Variants in RYR2 observed in about 807,000 individuals in gnomAD.
The protein encoded by RYR2 is ryanodine receptor 2, also known as cardiac muscle ryanodine receptor-calcium release channel.
In RYR2, 227 loss-of-function variants were observed where a neutral mutation model predicts 601.1. The ratio of observed to expected loss-of-function variants is 0.38; its 90% CI spans 0.34 to 0.42. The LOEUF is 0.42. RYR2 is among the 10% of genes least tolerant of loss of function. The pLI is 1.00. For missense variants in RYR2, 4,646 were observed against 6,156.5 expected, an observed-to-expected ratio of 0.75 and a Z score of 8.21; for synonymous variants, 2,223 against 2,175.1, an observed-to-expected ratio of 1.02 and a Z score of -0.61.
At chr1:237,276,912 T>C (rs964764543) in intron 2 of RYR2, among the ~76,000 whole-genome samples, 1 of 152,206 alleles carries the variant, frequency 6.6e-6, no homozygotes, top group Admixed American at 6.5e-5. Context: ...AGGAAAAGTT[T>C]CAAATTTATT....
chr1:237,610,864 T>A lies in RYR2; in HGVS notation c.4786T>A (p.Trp1596Arg), dbSNP rs773291365. Residue 1596 changes from tryptophan to arginine, a missense_variant, in exon 36 of 105, where the codon TGG becomes AGG. This residue lies in a region of RYR2 where 1,807 missense variants were observed against 2,088.1 expected (regional missense o/e 0.87). Transcript: ENST00000366574. This position sits in a 1 kb window ranked among gnomAD's most constrained non-coding sequence, Gnocchi z 4.9. Reference protein sequence around the residue: ...LHVQFLSHVLWSRMPNQFLKV... With the variant: ...LHVQFLSHVLRSRMPNQFLKV... ...CGTGCAGTTCCTGTCACACGTCCTGTGGAGCAGAATGCCCAACCAGTTTTT... is the reference window on the plus strand; with the variant it reads ...CGTGCAGTTCCTGTCACACGTCCTGAGGAGCAGAATGCCCAACCAGTTTTT... 6.2e-7 allele frequency: 1 copy of A among 1,613,390 alleles called. No individual in the cohort carries two copies. The highest frequency in any genetic ancestry group is 1.3e-5 in the African/African-American group (1 of 75,056).
At chr1:237,755,368 T>C (rs993078006) in intron 80 of RYR2, among the ~76,000 whole-genome samples, 1 of 152,196 alleles carries the variant, frequency 6.6e-6, no homozygotes, top group Non-Finnish European at 1.5e-5. Flanking sequence ...TTAGGTCATA[T>C]ATGTTTTGGC....
At chr1:237,468,812 T>A (rs1450337233) in intron 16 of RYR2, among the ~76,000 whole-genome samples, 2 of 152,342 alleles carry the variant, frequency 1.3e-5, no homozygotes, top group East Asian at 3.9e-4. Flanking sequence ...GAGACTGTTT[T>A]TCCATTACCC....
At chr1:237,635,984 C>G (rs1375759586) in intron 44 of RYR2, among the ~76,000 whole-genome samples, 2 of 151,360 alleles carry the variant, frequency 1.3e-5, no homozygotes, top group Admixed American at 6.6e-5. Context: ...CCCTCTTGAT[C>G]AGCTCTTCCA....
rs558484627 is a variant in RYR2, at chr1:237,254,684, T to C, written c.49-15813T>C. 6.3e-4 allele frequency among the ~76,000 whole-genome samples: 96 copies of C among 152,332 alleles called. 1 individual carries two copies. The South Asian group carries it at 0.019, about 30-fold the overall frequency. ...ATCTGTTATGTGTACTCTATACATATATTTATACTTACACATGGGTCTCAT... is the reference window on the plus strand; with the variant it reads ...ATCTGTTATGTGTACTCTATACATACATTTATACTTACACATGGGTCTCAT... On this transcript the variant is annotated intron_variant, in intron 1 of 104. Coordinates refer to ENST00000366574, the MANE Select transcript of RYR2 (RefSeq NM_001035.3).
At chr1:237,480,560 T>G (rs1227107048) in intron 17 of RYR2, among the ~76,000 whole-genome samples, 1 of 150,894 alleles carries the variant, frequency 6.6e-6, no homozygotes, top group African/African-American at 2.5e-5. Context: ...TCTCTTTTCT[T>G]TTAACTGGAC....
At chr1:237,057,258 T>C (rs1291407192) in intron 1 of RYR2, among the ~76,000 whole-genome samples, 1 of 152,042 alleles carries the variant, frequency 6.6e-6, no homozygotes, top group East Asian at 1.9e-4. Context: ...TGATATCGGC[T>C]CACTGCAAGC....
At chr1:237,670,155 G>A (rs951788788) in intron 58 of RYR2, among the ~76,000 whole-genome samples, 13 of 151,854 alleles carry the variant, frequency 8.6e-5, no homozygotes, top group South Asian at 4.2e-4. Context: ...CAGGCGTGGC[G>A]GCGCGCGCCT....
intron 34 of RYR2, among the ~76,000 whole-genome samples, chr1:237,601,758 G>A (rs565181956): frequency 6.6e-6 from 1 of 152,192 alleles, no homozygotes; most frequent in Admixed American, 6.5e-5. Context: ...AAAGAAAATG[G>A]AAAAAGTTAG....
At chr1:237,775,690 G>A (rs894862676) in intron 87 of RYR2, among the ~76,000 whole-genome samples, 1 of 152,182 alleles carries the variant, frequency 6.6e-6, no homozygotes, top group Non-Finnish European at 1.5e-5. Context: ...GTAAGAGGAC[G>A]TTGTATTGTC....
chr1:237,266,763 C>CT (rs2149332485), intron 1 of RYR2, among the ~76,000 whole-genome samples: 1 of 151,978 alleles, frequency 6.6e-6, no homozygotes, highest in Admixed American at 6.5e-5. Flanking sequence ...AAAGCTGTAG[C>CT]TATAGCCTCT....
In RYR2 at chr1:237,709,033, C is replaced by T; in HGVS notation, c.10077C>T (p.Phe3359=). The change falls in exon 69 of 105, where the codon TTC becomes TTT. Residue 3359 remains phenylalanine (F), a synonymous_variant. Transcript: ENST00000366574. ...CAGAACTCCTCATCCTAGATGAGTT[C>T]ACCACACTGGCCAGAGATCTCTATG... ...SEAELLILDE[F]TTLARDLYAF... is the part of the protein sequence containing the mutation. 6.2e-7 allele frequency: 1 copy of T among 1,612,240 alleles called. No homozygotes were observed. The highest frequency in any genetic ancestry group is 1.1e-5 in the South Asian group (1 of 91,016).
chr1:237,209,638 A>C (rs941644374), intron 1 of RYR2, among the ~76,000 whole-genome samples: 2 of 151,722 alleles, frequency 1.3e-5, no homozygotes, highest in African/African-American at 4.8e-5. Context: ...GGATCACTTG[A>C]GTTCAGGAGT....
chr1:237,322,820 A>ACG (rs1193932771), intron 2 of RYR2, among the ~76,000 whole-genome samples: 3 of 134,528 alleles, frequency 2.2e-5, no homozygotes, highest in African/African-American at 1.0e-4. Flanking sequence ...AAACACACAC[A>ACG]CGTGTGTGTG....
At chr1:237,729,095 C>T (rs1003775788) in intron 76 of RYR2, among the ~76,000 whole-genome samples, 6 of 152,138 alleles carry the variant, frequency 3.9e-5, no homozygotes, top group African/African-American at 1.4e-4. Flanking sequence ...CTCTTCAAGT[C>T]GCTTGTTCCT....
intron 24 of RYR2, among the ~76,000 whole-genome samples, chr1:237,518,090 A>T (rs1016299273): frequency 6.6e-6 from 1 of 151,582 alleles, no homozygotes; most frequent in South Asian, 2.1e-4. Context: ...CGACTTCTTT[A>T]TTTTCTTCCA....
chr1:237,418,486 G>A (rs2150035938), intron 11 of RYR2, among the ~76,000 whole-genome samples: 2 of 152,288 alleles, frequency 1.3e-5, no homozygotes, highest in Middle Eastern at 3.4e-3. Flanking sequence ...TGAACACTGT[G>A]AGGTTGACAT....
intron 10 of RYR2, among the ~76,000 whole-genome samples, chr1:237,395,420 G>A (rs1702732412): frequency 1.3e-5 from 2 of 151,996 alleles, no homozygotes; most frequent in South Asian, 4.2e-4. Flanking sequence ...GAGTAATTGT[G>A]GGTGACTGTA....
At chr1:237,270,298 C>CA in intron 1 of RYR2, 199 bp from the exon 2 acceptor site, 1 of 740,032 alleles carries the variant, frequency 1.4e-6, no homozygotes, top group Non-Finnish European at 2.3e-6. Flanking sequence ...TTCCCCTACT[C>CA]AGTTGCCTTT....
Sources: gnomAD v4.1 joint callset for allele counts (sites outside exome capture counted in the v4.1 genomes callset) on GRCh38, gnomAD v4.1.1 for gene constraint, gnomAD v4.1.1 regional missense constraint, Gnocchi (gnomAD v3.1) non-coding constraint, MANE v1.5 for transcripts, NCBI Gene and HGNC (gene_info 2026-07-23, HGNC 2026-07-21) for gene names.